CCNJL: variants seen among roughly 807,000 people sequenced by gnomAD.
The protein encoded by CCNJL is cyclin J like, also known as cyclin-J-like protein.
A neutral mutation model predicts 33.4 loss-of-function variants in CCNJL; 33 were observed. The ratio of observed to expected loss-of-function variants is 0.99; its 90% confidence interval spans 0.75 to 1.32. The LOEUF (loss-of-function observed/expected upper bound fraction) is 1.32. Ranked by LOEUF, CCNJL falls within the 40% of genes most tolerant of loss-of-function variation. CCNJL has a pLI of 0.00. For synonymous variants in CCNJL, 227 were observed against 220.9 expected (o/e 1.03, Z -0.24); for missense variants, 512 against 499.7 (o/e 1.02, Z -0.23).
intron 3 of CCNJL, among the ~76,000 whole-genome samples, chr5:160,273,828 TAGTAG>T (rs1462396145): frequency 1.3e-5 from 2 of 151,792 alleles, no homozygotes; most frequent in Non-Finnish European, 2.9e-5. Flanking sequence ...TTTGTATTTT[TAGTAG>T]AGAAGGGGTT....
intron 3 of CCNJL, among the ~76,000 whole-genome samples, chr5:160,277,806 C>T (rs1008102576): frequency 2.1e-5 from 3 of 146,146 alleles, no homozygotes; most frequent in East Asian, 4.1e-4. Flanking sequence ...AGTGCAATGG[C>T]GCCATCTTGG....
intron 2 of CCNJL, among the ~76,000 whole-genome samples, chr5:160,307,408 T>A (rs2113447429): frequency 6.6e-6 from 1 of 152,270 alleles, no homozygotes; most frequent in South Asian, 2.1e-4. Context: ...AACGTGGCCC[T>A]CAAGCTGCAT....
intron 3 of CCNJL, among the ~76,000 whole-genome samples, chr5:160,265,354 C>A (rs1292569930): frequency 6.6e-6 from 1 of 152,164 alleles, no homozygotes; most frequent in Non-Finnish European, 1.5e-5. Context: ...AAATGCAATG[C>A]CGGCCAGGTG....
At chr5:160,266,347 T>C (rs1453564089) in intron 3 of CCNJL, among the ~76,000 whole-genome samples, 2 of 152,256 alleles carry the variant, frequency 1.3e-5, no homozygotes, top group African/African-American at 4.8e-5. Flanking sequence ...CTAATGCTTT[T>C]TTCTCTCAGA....
chr5:160,302,072 T>C (rs1340008237), intron 2 of CCNJL, among the ~76,000 whole-genome samples: 2 of 152,208 alleles, frequency 1.3e-5, no homozygotes, highest in Non-Finnish European at 2.9e-5. Context: ...TATATACATT[T>C]GTCAAAACTC....
intron 5 of CCNJL, chr5:160,254,466 CAAATTTTA>C (rs1327584017): frequency 4.0e-6 from 2 of 497,494 alleles, no homozygotes; most frequent in Non-Finnish European, 7.1e-6. Flanking sequence ...CTCAAAAACA[CAAATTTTA>C]AAATAAGGCC....
chr5:160,324,665 C>T (rs1032150149), intron 1 of CCNJL, among the ~76,000 whole-genome samples: 6 of 147,982 alleles, frequency 4.1e-5, no homozygotes, highest in African/African-American at 1.2e-4. Context: ...TATTTAGAAT[C>T]AGTGTTTCCT....
At chr5:160,287,869 G>T (rs1019761817) in intron 2 of CCNJL, among the ~76,000 whole-genome samples, 1 of 152,122 alleles carries the variant, frequency 6.6e-6, no homozygotes, top group Non-Finnish European at 1.5e-5. Flanking sequence ...GTGGGCAGCA[G>T]AAAGGCTAGG....
Position 160,280,559 on chromosome 5 carries a change from G to A in CCNJL, c.246C>T (p.Leu82=), listed in dbSNP as rs1762173235. 6.2e-7 allele frequency: 1 copy of A among 1,613,278 alleles called. No homozygotes were observed. The highest frequency in any genetic ancestry group is 1.1e-5 in the South Asian group (1 of 91,088). Residue 82 remains leucine (L), a synonymous_variant, in exon 3 of 6, where the codon CTC becomes CTT. Coordinates refer to ENST00000257536, the MANE Select transcript of CCNJL (RefSeq NM_001308173.3). ...DRYNVTTSKQ[L]YTVAVSCLLL... is the part of the protein sequence containing the mutation. ...GGAGGCAGGAGACGGCCACGGTGTA[G>A]AGCTGCTTGGAGGTGGTGACGTTGT...
chr5:160,279,310 C>T (rs762744314), intron 3 of CCNJL, among the ~76,000 whole-genome samples: 41 of 152,156 alleles, frequency 2.7e-4, no homozygotes, highest in Non-Finnish European at 5.0e-4. Flanking sequence ...GGATAAAATA[C>T]CAGATGTCAA....
intron 3 of CCNJL, among the ~76,000 whole-genome samples, chr5:160,273,628 C>A (rs552721088): frequency 6.9e-6 from 1 of 145,372 alleles, no homozygotes; most frequent in Non-Finnish European, 1.5e-5. Context: ...CAAAGCACCA[C>A]GAAAGTGCCG....
intron 1 of CCNJL, 49 bp downstream of exon 1, chr5:160,312,315 G>T (rs945782685): frequency 3.5e-6 from 1 of 282,540 alleles, no homozygotes; most frequent in African/African-American, 2.3e-5. Context: ...CCGCCGCCCA[G>T]CCTTTGTCCT....
intron 2 of CCNJL, among the ~76,000 whole-genome samples, chr5:160,291,358 G>T (rs1181743730): frequency 6.6e-6 from 1 of 152,226 alleles, no homozygotes; most frequent in Middle Eastern, 3.2e-3. Flanking sequence ...GTGGGCCACA[G>T]TTTGGCGAAA....
At chr5:160,289,878 G>A (rs543352209) in intron 2 of CCNJL, among the ~76,000 whole-genome samples, 4 of 152,308 alleles carry the variant, frequency 2.6e-5, no homozygotes, top group Admixed American at 1.3e-4. Flanking sequence ...GTGCCCGGGA[G>A]TGCAGGTGAG....
chr5:160,327,869 TAAAC>T (rs1479526016), intron 1 of CCNJL, among the ~76,000 whole-genome samples: 1 of 151,568 alleles, frequency 6.6e-6, no homozygotes, highest in Non-Finnish European at 1.5e-5. Context: ...GAACAAATTG[TAAAC>T]AAACAAAAAC....
intron 2 of CCNJL, among the ~76,000 whole-genome samples, chr5:160,291,753 C>T (rs1257903968): frequency 3.3e-5 from 5 of 152,326 alleles, no homozygotes; most frequent in East Asian, 3.9e-4. Flanking sequence ...CTAGTAAGAA[C>T]GTCCACATGG....
rs969048852 is a variant in CCNJL at position 160,250,607 on chromosome 5, T to C, written c.*2771A>G. 13 of 152,230 alleles carry C rather than the reference T, an allele frequency of 8.5e-5. No homozygotes were observed. The highest frequency in any genetic ancestry group is 1.5e-4 in the Non-Finnish European group (10 of 68,038). 9.4% of individuals were successfully genotyped at this position (152,230 alleles called of 1,614,324 possible). A position where few individuals can be genotyped will look rare whatever the true frequency, so the allele number is the denominator to read the frequency against. ...GACAGAAGTCTTGAGTGAGACTCCC[T>C]TCAAGGAGGAGTACGAATCTGACAT... On this transcript the variant is annotated 3_prime_UTR_variant, in exon 6 of 6. Transcript: ENST00000257536.
At chr5:160,301,919 G>A (rs998227777) in intron 2 of CCNJL, among the ~76,000 whole-genome samples, 1 of 151,538 alleles carries the variant, frequency 6.6e-6, no homozygotes, top group Non-Finnish European at 1.5e-5. Flanking sequence ...TAGTAGAGAT[G>A]GGGCTTCACC....
At position 160,311,850 on chromosome 5, in the gene CCNJL, G is replaced by A. The variant is rs2113460416; in HGVS notation, c.66+8C>T. 2 of 1,612,270 alleles carry A rather than the reference G, an allele frequency of 1.2e-6. No individual in the cohort carries two copies. The highest frequency in any genetic ancestry group is 1.7e-6 in the Non-Finnish European group (2 of 1,178,278). On this transcript the variant is annotated splice_region_variant and intron_variant, in intron 2 of 5. Coordinates refer to ENST00000257536, the MANE Select transcript of CCNJL (RefSeq NM_001308173.3). ...TCTTGAGAGTGACAAGGGCAGGGAG[G>A]GACTGACCTTCTCGCGCAGGGTGCA...
Sources: allele counts gnomAD v4.1 joint callset (sites outside exome capture counted in the v4.1 genomes callset), GRCh38; gene constraint gnomAD v4.1.1; transcripts MANE v1.5; gene names NCBI Gene and HGNC (gene_info 2026-07-23, HGNC 2026-07-21).